Variants in TBC1D9 observed in about 807,000 individuals in gnomAD.
TBC1D9 encodes TBC1 domain family member 9A.
In TBC1D9, 63 loss-of-function variants were observed where a neutral mutation model predicts 132.0. That is an observed-to-expected ratio of 0.48 (90% CI 0.39 to 0.59). The LOEUF (loss-of-function observed/expected upper bound fraction) is 0.59, where lower values mean the gene tolerates loss of function less well. TBC1D9 is among the 20% of genes least tolerant of loss of function. The pLI, the probability that TBC1D9 is intolerant of heterozygous loss-of-function variation, is 0.00. For missense variants in TBC1D9, 1,261 were observed against 1,592.7 expected (o/e 0.79, Z 3.54); for synonymous variants, 610 against 609.9 (o/e 1.00, Z 0.00).
At chr4:140,747,818 T>C (rs1161244351) in intron 1 of TBC1D9, among the ~76,000 whole-genome samples, 3 of 152,222 alleles carry the variant, frequency 2.0e-5, no homozygotes, top group Non-Finnish European at 4.4e-5. Flanking sequence ...GTTGGGACGA[T>C]GGAGGGCTAT....
intron 8 of TBC1D9, 94 bp downstream of exon 8, chr4:140,669,540 A>T: frequency 7.6e-7 from 1 of 1,314,192 alleles, no homozygotes; most frequent in Non-Finnish European, 1.0e-6. Context: ...ATCTCCATTT[A>T]CATAGGCATG....
chr4:140,692,095 T>A lies in TBC1D9; in HGVS notation c.242-5633A>T, dbSNP rs551657459. ...GGGACTGCAGAACTTGAGAAAAACCTGTATTGCAGAATAACTAAAATGGTG... is the reference window on the plus strand; with the variant it reads ...GGGACTGCAGAACTTGAGAAAAACCAGTATTGCAGAATAACTAAAATGGTG... On this transcript the variant is annotated intron_variant, in intron 2 of 20. Coordinates refer to ENST00000442267, the MANE Select transcript of TBC1D9 (RefSeq NM_015130.3). Among the ~76,000 whole-genome samples the A allele has an allele frequency of 1.4e-4, 22 of 152,360 alleles. No homozygotes were observed. In the South Asian group the frequency reaches 3.9e-3, roughly 27 times the overall value.
At chr4:140,628,222 T>G (rs1736737946) in intron 17 of TBC1D9, 78 bp downstream of exon 17, 1 of 1,252,084 alleles carries the variant, frequency 8.0e-7, no homozygotes, top group African/African-American at 1.5e-5. Flanking sequence ...AAGAGGACGA[T>G]CAGGTTACAC....
At chr4:140,636,534 T>C (rs141393371) in intron 15 of TBC1D9, among the ~76,000 whole-genome samples, 101 of 152,176 alleles carry the variant, frequency 6.6e-4, no homozygotes, top group African/African-American at 2.3e-3. Flanking sequence ...AAATATATGC[T>C]ACCATGCCTG....
chr4:140,669,847 A>G, intron 7 of TBC1D9, 43 bp from the exon 8 acceptor site: 1 of 1,564,032 alleles, frequency 6.4e-7, no homozygotes, highest in East Asian at 2.3e-5. Context: ...GGACACGGGC[A>G]ATAGAACCTA....
intron 2 of TBC1D9, among the ~76,000 whole-genome samples, chr4:140,697,762 T>G (rs1737992984): frequency 6.6e-6 from 1 of 152,224 alleles, no homozygotes; most frequent in Non-Finnish European, 1.5e-5. Flanking sequence ...TGAGGAGTAG[T>G]AACGTCAGGC....
At position 140,679,115 on chromosome 4, in the gene TBC1D9, C is replaced by T. The variant is rs756598357; in HGVS notation, c.678G>A (p.Arg226=). The change falls in exon 5 of 21, where the codon CGG becomes CGA. Residue 226 remains arginine (R), a synonymous_variant. Transcript: ENST00000442267. ...LLPDVIKVST[R]SSEHFFSVFL... ...ATACAGAGAAGAAATGCTCACTGGACCGTGTGCTCACTTTGATCACATCAG... is the reference window on the plus strand; with the variant it reads ...ATACAGAGAAGAAATGCTCACTGGATCGTGTGCTCACTTTGATCACATCAG... The T allele has an allele frequency of 1.2e-6, 2 of 1,613,786 alleles. No homozygotes were observed. The highest frequency in any genetic ancestry group is 1.3e-5 in the African/African-American group (1 of 74,908).
chr4:140,632,082 C>T (rs113795973), intron 16 of TBC1D9, among the ~76,000 whole-genome samples: 1 of 152,186 alleles, frequency 6.6e-6, no homozygotes, highest in Non-Finnish European at 1.5e-5. Context: ...TCTAAATATT[C>T]TTTTCCAGTG....
At chr4:140,660,587 C>A (rs1737341034) in intron 10 of TBC1D9, among the ~76,000 whole-genome samples, 1 of 152,200 alleles carries the variant, frequency 6.6e-6, no homozygotes, top group Non-Finnish European at 1.5e-5. Context: ...ATGGTCCCTG[C>A]CAGTTCCTTA....
chr4:140,707,137 T>C (rs1470677745), intron 1 of TBC1D9, among the ~76,000 whole-genome samples: 5 of 152,196 alleles, frequency 3.3e-5, no homozygotes, highest in African/African-American at 4.8e-5. Context: ...GGTTTTTTTT[T>C]TTATTTTCAC....
At position 140,632,328 on chromosome 4, in the gene TBC1D9, AAAG is replaced by A. The variant is rs1736810414; in HGVS notation, c.2746+1617_2746+1619del. ...GACAAGCAGTAATTACCCTGGAAGT[AAAG>A]AAGATTAGCATAGCGTCAAAGGGGT... is the stretch of plus-strand genomic sequence containing the variant. On this transcript the variant is annotated intron_variant, in intron 16 of 20. Transcript: ENST00000442267. Among the ~76,000 whole-genome samples, 9 of 151,600 alleles carry A rather than the reference AAAG, an allele frequency of 5.9e-5. No homozygotes were observed. The South Asian group carries it at 1.7e-3, about 28-fold the overall frequency.
In TBC1D9 at chr4:140,701,640, A is replaced by T. The variant is rs774046249; in HGVS notation, c.131-26T>A. On this transcript the variant is annotated intron_variant, in intron 1 of 20. Transcript: ENST00000442267. Reference sequence around the variant, plus strand: ...CTGAGGGTGGAAAGTGGGGAGAAACAGGTAAGAATTGCCTTAGTACTTTCC... The same window carrying T: ...CTGAGGGTGGAAAGTGGGGAGAAACTGGTAAGAATTGCCTTAGTACTTTCC... 3 of 1,580,766 alleles carry T rather than the reference A, an allele frequency of 1.9e-6. No individual in the cohort carries two copies. The African/African-American group carries it at 4.0e-5, about 21-fold the overall frequency.
chr4:140,648,975 T>C (rs1578823989), intron 13 of TBC1D9, among the ~76,000 whole-genome samples: 1 of 152,216 alleles, frequency 6.6e-6, no homozygotes, highest in East Asian at 1.9e-4. Flanking sequence ...GGGCAGTGTT[T>C]CTGTGATTTA....
chr4:140,690,376 T>C (rs1448721279), intron 2 of TBC1D9, among the ~76,000 whole-genome samples: 1 of 152,198 alleles, frequency 6.6e-6, no homozygotes, highest in Non-Finnish European at 1.5e-5. Flanking sequence ...TCCAACATTG[T>C]TCTCACCACT....
At chr4:140,720,040 G>A (rs1738398618) in intron 1 of TBC1D9, among the ~76,000 whole-genome samples, 1 of 152,150 alleles carries the variant, frequency 6.6e-6, no homozygotes, top group Admixed American at 6.5e-5. Flanking sequence ...GTTGTAATGA[G>A]GATTAAAGGA....
intron 2 of TBC1D9, among the ~76,000 whole-genome samples, chr4:140,698,410 T>C (rs545934975): frequency 4.1e-4 from 63 of 152,326 alleles, no homozygotes; most frequent in Middle Eastern, 3.4e-3. Flanking sequence ...ATGGTTATAG[T>C]CAATTGTCAT....
At chr4:140,628,167 G>T in intron 17 of TBC1D9, 133 bp downstream of exon 17, 1 of 692,218 alleles carries the variant, frequency 1.4e-6, no homozygotes, top group Non-Finnish European at 2.5e-6. Flanking sequence ...AATTGTCATT[G>T]TTCAGTTAGT....
chr4:140,649,327 A>G (rs1029617055), intron 13 of TBC1D9, among the ~76,000 whole-genome samples: 34 of 152,220 alleles, frequency 2.2e-4, no homozygotes, highest in Non-Finnish European at 4.9e-4. Context: ...AGGTCATCAA[A>G]TTATGCTCAA....
intron 1 of TBC1D9, among the ~76,000 whole-genome samples, chr4:140,728,227 A>G (rs1040111633): frequency 2.6e-5 from 4 of 152,202 alleles, no homozygotes; most frequent in African/African-American, 9.6e-5. Flanking sequence ...ACCAAATGCA[A>G]TGCACACAGT....
Sources: gnomAD v4.1 joint callset for allele counts (sites outside exome capture counted in the v4.1 genomes callset) on GRCh38, gnomAD v4.1.1 for gene constraint, MANE v1.5 for transcripts, NCBI Gene and HGNC (gene_info 2026-07-23, HGNC 2026-07-21) for gene names.